TMEM117: variants seen among roughly 807,000 people sequenced by gnomAD.
TMEM117 encodes transmembrane protein 117.
A neutral mutation model predicts 52.4 loss-of-function variants in TMEM117; 27 were observed. That is an observed-to-expected ratio of 0.51 (90% CI 0.38 to 0.71). The LOEUF is 0.71. TMEM117 is among the 30% of genes least tolerant of loss of function. The probability of loss-of-function intolerance (pLI) is 0.00; values close to 1 mark genes in which losing one functional copy is unlikely to be tolerated. For synonymous variants in TMEM117, 215 were observed against 206.3 expected (o/e 1.04, Z -0.36); for missense variants, 556 against 630.5 (o/e 0.88, Z 1.26).
At chr12:43,839,167 A>G (rs1470557115) in intron 1 of TMEM117, among the ~76,000 whole-genome samples, 5 of 152,096 alleles carry the variant, frequency 3.3e-5, no homozygotes, top group South Asian at 4.1e-4. Flanking sequence ...AAGTTGCTGC[A>G]TCTTTGGCAA....
At position 43,958,074 on chromosome 12, in the gene TMEM117, GA is replaced by G. The variant is rs566441925; in HGVS notation, c.410+13735del. 7.1e-3 allele frequency among the ~76,000 whole-genome samples: 1,085 copies of G among 152,276 alleles called. 3 individuals carry two copies. The highest frequency in any genetic ancestry group is 0.012 in the Non-Finnish European group (810 of 68,030). ...CTGTGTTGTTAATGGGCTTTTTGAGGAAATACATAGTGAACTCTTTAATAAG... is the reference window on the plus strand; with the variant it reads ...CTGTGTTGTTAATGGGCTTTTTGAGGAATACATAGTGAACTCTTTAATAAG... On this transcript the variant is annotated intron_variant, in intron 3 of 7. Transcript: ENST00000266534.
intron 2 of TMEM117, among the ~76,000 whole-genome samples, chr12:43,933,808 G>T (rs2137587104): frequency 6.6e-6 from 1 of 152,146 alleles, no homozygotes; most frequent in South Asian, 2.1e-4. Flanking sequence ...TGATCCGCCG[G>T]CTTCAGCCTC....
At chr12:43,893,478 A>C (rs1435414512) in intron 2 of TMEM117, among the ~76,000 whole-genome samples, 1 of 152,176 alleles carries the variant, frequency 6.6e-6, no homozygotes, top group Non-Finnish European at 1.5e-5. Flanking sequence ...ACTTATTCCC[A>C]CTAAAAATTT....
intron 6 of TMEM117, among the ~76,000 whole-genome samples, chr12:44,306,393 CATAG>C (rs1440055892): frequency 2.0e-5 from 3 of 152,098 alleles, no homozygotes; most frequent in Non-Finnish European, 4.4e-5. Context: ...TGCCTATATA[CATAG>C]ATATATATGT....
intron 5 of TMEM117, among the ~76,000 whole-genome samples, chr12:44,242,365 C>T (rs545114338): frequency 5.4e-4 from 82 of 152,018 alleles, no homozygotes; most frequent in Admixed American, 1.3e-3. Flanking sequence ...ATTTAGCTCT[C>T]ACTTGTAAGT....
At chr12:44,357,006 G>C (rs1030486087) in intron 6 of TMEM117, among the ~76,000 whole-genome samples, 7 of 152,024 alleles carry the variant, frequency 4.6e-5, no homozygotes, top group Admixed American at 2.6e-4. Flanking sequence ...TCACACACTG[G>C]CTCCTTCAGC....
chr12:44,338,525 CAT>C (rs1187603812), intron 6 of TMEM117, among the ~76,000 whole-genome samples: 7 of 151,580 alleles, frequency 4.6e-5, no homozygotes, highest in South Asian at 4.1e-4. Flanking sequence ...CTGAAAGTAA[CAT>C]GTGTAAAACA....
the TMEM117 span, chr12:43,805,858 C>T: frequency 1.4e-6 from 2 of 1,419,052 alleles, no homozygotes; most frequent in Admixed American, 3.7e-5. Flanking sequence ...ACTGAAGCCC[C>T]AGTCGCCTCC....
Position 44,147,266 on chromosome 12 carries a change from A to G in TMEM117, c.510+3642A>G, listed in dbSNP as rs560878672. On this transcript the variant is annotated intron_variant, in intron 4 of 7. Transcript: ENST00000266534. ...AACATGGGGTGTCTCACGAGACACC[A>G]TTTCCAGGTATCCACCCGTGCACTG... 2.6e-5 allele frequency among the ~76,000 whole-genome samples: 4 copies of G among 152,238 alleles called. No homozygotes were observed. The South Asian group carries it at 8.3e-4, about 32-fold the overall frequency.
intron 2 of TMEM117, among the ~76,000 whole-genome samples, chr12:43,868,098 A>T (rs1014347400): frequency 3.3e-5 from 2 of 60,496 alleles, no homozygotes; most frequent in Non-Finnish European, 1.0e-4. Context: ...AATCAAATAT[A>T]CACACACACA....
intron 3 of TMEM117, among the ~76,000 whole-genome samples, chr12:44,045,081 T>A (rs929006035): frequency 6.6e-6 from 1 of 152,204 alleles, no homozygotes; most frequent in Non-Finnish European, 1.5e-5. Flanking sequence ...ATTTTAATAA[T>A]GAAGTGGCTA....
chr12:44,317,724 G>T (rs971809972), intron 6 of TMEM117, among the ~76,000 whole-genome samples: 1 of 152,162 alleles, frequency 6.6e-6, no homozygotes, highest in African/African-American at 2.4e-5. Flanking sequence ...CTACCTACAG[G>T]CCAGTAGATG....
chr12:44,239,168 G>A (rs1950032999), intron 5 of TMEM117, among the ~76,000 whole-genome samples: 1 of 152,054 alleles, frequency 6.6e-6, no homozygotes, highest in South Asian at 2.1e-4. Context: ...GTCTTTCACG[G>A]TATTATGTTT....
rs551189417 is a variant in TMEM117, at chr12:44,134,830, G to A, written c.411-8695G>A. ...TTTTCATTGCAACGAATATAATCTC[G>A]GTGACGTTAGCTCAAGAACAAAGAT... On this transcript the variant is annotated intron_variant, in intron 3 of 7. Transcript: ENST00000266534. 2.6e-4 allele frequency among the ~76,000 whole-genome samples: 39 copies of A among 152,046 alleles called. No individual in the cohort carries two copies. The South Asian group carries it at 3.5e-3, about 14-fold the overall frequency.
chr12:43,979,337 C>G (rs1180065983), intron 3 of TMEM117, among the ~76,000 whole-genome samples: 2 of 152,052 alleles, frequency 1.3e-5, no homozygotes, highest in Non-Finnish European at 2.9e-5. Context: ...TCCACTGGGG[C>G]TGCTAGTAAA....
At chr12:44,032,849 G>T (rs189303781) in intron 3 of TMEM117, among the ~76,000 whole-genome samples, 32 of 152,168 alleles carry the variant, frequency 2.1e-4, no homozygotes, top group Admixed American at 2.1e-3. Flanking sequence ...TACAGAAGAT[G>T]GATCTTCATC....
At chr12:44,233,674 T>C (rs898578448) in intron 5 of TMEM117, among the ~76,000 whole-genome samples, 2 of 151,488 alleles carry the variant, frequency 1.3e-5, no homozygotes, top group South Asian at 4.1e-4. Flanking sequence ...TTATTGTATC[T>C]TTCATTTTTA....
chr12:43,954,221 C>G (rs1481923294), intron 3 of TMEM117, among the ~76,000 whole-genome samples: 2 of 151,738 alleles, frequency 1.3e-5, no homozygotes, highest in Non-Finnish European at 2.9e-5. Context: ...AAATTGACAC[C>G]CTAACATCAC....
chr12:43,910,657 C>G (rs1944482636), intron 2 of TMEM117, among the ~76,000 whole-genome samples: 1 of 149,560 alleles, frequency 6.7e-6, no homozygotes, highest in Admixed American at 6.7e-5. Context: ...TCTCAGGATA[C>G]AAAATCAATG....
Sources: gnomAD v4.1 joint callset for allele counts (sites outside exome capture counted in the v4.1 genomes callset) on GRCh38, gnomAD v4.1.1 for gene constraint, MANE v1.5 for transcripts, NCBI Gene and HGNC (gene_info 2026-07-23, HGNC 2026-07-21) for gene names.